Variants in LHFPL3 observed in about 807,000 individuals in gnomAD.
LHFPL3 encodes the protein LHFPL tetraspan subfamily member 3 protein.
In LHFPL3, 5 loss-of-function variants were observed where a neutral mutation model predicts 19.3. The ratio of observed to expected loss-of-function variants is 0.26; its 90% CI spans 0.14 to 0.54. The LOEUF is 0.54. Ranked by LOEUF, LHFPL3 falls within the 20% of genes least tolerant of loss-of-function variation. The pLI is 0.94. For synonymous variants in LHFPL3, 133 were observed against 126.2 expected, an observed-to-expected ratio of 1.05 and a Z score of -0.36; for missense variants, 249 against 307.4, an observed-to-expected ratio of 0.81 and a Z score of 1.42.
chr7:104,525,743 A>T (rs1794175889), intron 1 of LHFPL3, among the ~76,000 whole-genome samples: 2 of 151,584 alleles, frequency 1.3e-5, no homozygotes, highest in South Asian at 4.2e-4. Flanking sequence ...AGTAGCTGGG[A>T]TTACAAGCGC....
chr7:104,644,658 G>A (rs960166656), intron 1 of LHFPL3, among the ~76,000 whole-genome samples: 4 of 152,144 alleles, frequency 2.6e-5, no homozygotes, highest in Non-Finnish European at 4.4e-5. Context: ...CAGGAGTCAT[G>A]GCTTTATACT....
chr7:104,614,680 C>CTTCCTTCCTTCT lies in LHFPL3; in HGVS notation c.446-121992_446-121991insCTTCCTTCTTTC, dbSNP rs767634683. On this transcript the variant is annotated intron_variant, in intron 1 of 2. Transcript: ENST00000424859. ...CCTTCCTTCCTTCCTTCCTTCCTTC[C>CTTCCTTCCTTCT]TTCTTTCTTTCTTTCTTTCTTTCTT... Among the ~76,000 whole-genome samples, 180 of 94,478 alleles carry CTTCCTTCCTTCT rather than the reference C, an allele frequency of 1.9e-3. 1 individual carries two copies. The highest frequency in any genetic ancestry group is 6.3e-3 in the East Asian group (21 of 3,332). The allele number at this position is 94,478 out of a possible 152,430, so 62.0% of individuals were successfully genotyped here. A position where few individuals can be genotyped will look rare whatever the true frequency, so the allele number is the denominator to read the frequency against.
intron 1 of LHFPL3, among the ~76,000 whole-genome samples, chr7:104,428,975 G>C (rs1791898904): frequency 2.0e-5 from 3 of 152,004 alleles, no homozygotes; most frequent in African/African-American, 7.3e-5. Flanking sequence ...AAGCAAACCA[G>C]CTAAATCCAC....
At chr7:104,444,779 G>A (rs372742491) in intron 1 of LHFPL3, among the ~76,000 whole-genome samples, 11 of 151,936 alleles carry the variant, frequency 7.2e-5, no homozygotes, top group Non-Finnish European at 1.2e-4. Context: ...ACCTGAGGTC[G>A]GGAGTTCGAG....
intron 1 of LHFPL3, among the ~76,000 whole-genome samples, chr7:104,458,655 A>G (rs1220783058): frequency 2.0e-5 from 3 of 152,126 alleles, no homozygotes; most frequent in Admixed American, 2.0e-4. Flanking sequence ...CTTTGAAGAA[A>G]GTCATTGGTA....
intron 2 of LHFPL3, among the ~76,000 whole-genome samples, chr7:104,904,581 G>A (rs1349358957): frequency 1.3e-5 from 2 of 152,152 alleles, no homozygotes; most frequent in Non-Finnish European, 2.9e-5. Flanking sequence ...AACCTGGGAG[G>A]CAGAGGTTGC....
intron 1 of LHFPL3, among the ~76,000 whole-genome samples, chr7:104,461,261 A>G (rs1056622336): frequency 6.6e-6 from 1 of 152,224 alleles, no homozygotes; most frequent in Non-Finnish European, 1.5e-5. Flanking sequence ...AACTGCCTCC[A>G]TGATTCAATT....
chr7:104,534,350 C>G (rs190410145), intron 1 of LHFPL3, among the ~76,000 whole-genome samples: 38 of 152,324 alleles, frequency 2.5e-4, no homozygotes, highest in African/African-American at 4.1e-4. Context: ...CCTGGGGTAA[C>G]TCTGATGTGC....
intron 1 of LHFPL3, among the ~76,000 whole-genome samples, chr7:104,586,508 A>G (rs1790581491): frequency 2.0e-5 from 3 of 152,160 alleles, no homozygotes; most frequent in Admixed American, 2.0e-4. Flanking sequence ...ATTACAACAT[A>G]GGAAGCTGAG....
At chr7:104,345,609 A>T (rs191504784) in intron 1 of LHFPL3, among the ~76,000 whole-genome samples, 48 of 152,196 alleles carry the variant, frequency 3.2e-4, no homozygotes, top group African/African-American at 1.1e-3. Context: ...AGCTCAAGTT[A>T]CTTGTTAAAA....
intron 2 of LHFPL3, among the ~76,000 whole-genome samples, chr7:104,885,946 C>T (rs79745855): frequency 1.1e-4 from 17 of 152,200 alleles, no homozygotes; most frequent in African/African-American, 3.4e-4. Flanking sequence ...TTTGCTGAAG[C>T]CTCCACCTAG....
chr7:104,575,157 CAATGTT>C (rs1260456959), intron 1 of LHFPL3, among the ~76,000 whole-genome samples: 1 of 152,124 alleles, frequency 6.6e-6, no homozygotes, highest in Non-Finnish European at 1.5e-5. Context: ...ATTTCAATGT[CAATGTT>C]GGAAGGAGTC....
In LHFPL3 at chr7:104,456,999, T is replaced by C. The variant is rs150483057; in HGVS notation, c.445+127775T>C. Among the ~76,000 whole-genome samples the C allele has an allele frequency of 3.3e-3, 503 of 152,284 alleles. 3 individuals carry two copies. Among genetic ancestry groups the C allele is most frequent in the African/African-American group, 0.011 (472 of 41,578 alleles). Reference sequence around the variant, plus strand: ...TGGGTAAGGGGGGACTGTTGTACATTCCAATATGGAAACTCTGATTAAGTT... The same window carrying C: ...TGGGTAAGGGGGGACTGTTGTACATCCCAATATGGAAACTCTGATTAAGTT... On this transcript the variant is annotated intron_variant, in intron 1 of 2. Coordinates refer to ENST00000424859, the MANE Select transcript of LHFPL3 (RefSeq NM_199000.3).
At chr7:104,812,450 T>G (rs1279257514) in intron 2 of LHFPL3, among the ~76,000 whole-genome samples, 1 of 151,652 alleles carries the variant, frequency 6.6e-6, no homozygotes, top group Non-Finnish European at 1.5e-5. Context: ...CATAAAAGAA[T>G]CTCTACACCA....
At chr7:104,854,988 CT>C (rs67310774) in intron 2 of LHFPL3, among the ~76,000 whole-genome samples, 33,053 of 152,168 alleles carry the variant, frequency 0.22, 3,857 homozygotes, top group South Asian at 0.39. Flanking sequence ...TCAGTAAGCT[CT>C]TTAGTCTGGC....
intron 2 of LHFPL3, among the ~76,000 whole-genome samples, chr7:104,900,142 T>C (rs1359825462): frequency 1.3e-5 from 2 of 152,228 alleles, no homozygotes; most frequent in Non-Finnish European, 2.9e-5. Flanking sequence ...TTTCAACCTA[T>C]GTAAAATATG....
chr7:104,890,350 G>A (rs1463810230), intron 2 of LHFPL3, among the ~76,000 whole-genome samples: 1 of 152,188 alleles, frequency 6.6e-6, no homozygotes, highest in Non-Finnish European at 1.5e-5. Context: ...CTGCAGAGCA[G>A]ACAGGAGGCC....
intron 2 of LHFPL3, among the ~76,000 whole-genome samples, chr7:104,811,529 C>G (rs1219764029): frequency 6.6e-6 from 1 of 151,864 alleles, no homozygotes; most frequent in Non-Finnish European, 1.5e-5. Context: ...GGAGGTCAGT[C>G]AAGAGAGCAA....
rs187830870 is a variant in LHFPL3, at chr7:104,355,282, C to T, written c.445+26058C>T. 3.2e-4 allele frequency among the ~76,000 whole-genome samples: 49 copies of T among 152,270 alleles called. 1 individual carries two copies. Among genetic ancestry groups the T allele is most frequent in the Admixed American group, 5.2e-4 (8 of 15,300 alleles). On this transcript the variant is annotated intron_variant, in intron 1 of 2. Transcript: ENST00000424859. ...ATATCCCCAATTCCCCCAATGGTAC[C>T]TTACATGACATAATTCCTTTGCTTT...
Sources: gnomAD v4.1 joint callset for allele counts (sites outside exome capture counted in the v4.1 genomes callset) on GRCh38, gnomAD v4.1.1 for gene constraint, MANE v1.5 for transcripts, NCBI Gene and HGNC (gene_info 2026-07-23, HGNC 2026-07-21) for gene names.